Variants in AKAP13 observed in about 807,000 individuals in gnomAD.
AKAP13 encodes A-kinase anchor protein 13.
A neutral mutation model predicts 264.5 loss-of-function variants in AKAP13; 80 were observed. The ratio of observed to expected loss-of-function variants is 0.30; its 90% CI spans 0.25 to 0.36. AKAP13 has a LOEUF of 0.36. AKAP13 is among the 10% of genes least tolerant of loss of function. The pLI, the probability that AKAP13 is intolerant of heterozygous loss-of-function variation, is 1.00. For synonymous variants in AKAP13, 1,380 were observed against 1,250.2 expected (o/e 1.10, Z -2.19); for missense variants, 3,712 against 3,435.2 (o/e 1.08, Z -2.01).
chr15:85,646,753 G>T (rs953060646), intron 10 of AKAP13, among the ~76,000 whole-genome samples: 1 of 152,178 alleles, frequency 6.6e-6, no homozygotes, highest in Non-Finnish European at 1.5e-5. Context: ...CTGCAATAGA[G>T]CCCTTCCACA....
intron 23 of AKAP13, among the ~76,000 whole-genome samples, chr15:85,719,917 A>G (rs1428529424): frequency 2.0e-5 from 3 of 151,438 alleles, no homozygotes; most frequent in African/African-American, 7.3e-5. Context: ...TCTGTCTCAA[A>G]AAAAAAAAAA....
chr15:85,673,404 C>G (rs2084024308), intron 14 of AKAP13, among the ~76,000 whole-genome samples: 1 of 152,006 alleles, frequency 6.6e-6, no homozygotes, highest in Non-Finnish European at 1.5e-5. Context: ...GCGTGACTTG[C>G]CGGCAATTTT....
chr15:85,464,177 C>A (rs1478577714), intron 1 of AKAP13, among the ~76,000 whole-genome samples: 1 of 152,216 alleles, frequency 6.6e-6, no homozygotes, highest in Non-Finnish European at 1.5e-5. Flanking sequence ...TGGCGACTTT[C>A]CTCTTCATAA....
At chr15:85,404,613 A>C (rs1007541977) in intron 1 of AKAP13, among the ~76,000 whole-genome samples, 1 of 152,082 alleles carries the variant, frequency 6.6e-6, no homozygotes, top group African/African-American at 2.4e-5. Flanking sequence ...CTTCATTCTC[A>C]CAGTTGGTTA....
chr15:85,676,895 CATT>C lies in AKAP13; in HGVS notation c.5102-5260_5102-5258del, dbSNP rs545307951. On this transcript the variant is annotated intron_variant, in intron 14 of 36. Transcript: ENST00000394518. ...TTCCCGGAACCGCATAGGCCATTGA[CATT>C]ATGCTGTTTCCCCATGTGCTGAAGG... The C allele has an allele frequency of 1.4e-3, 1,373 of 971,676 alleles. 4 individuals carry two copies. Among genetic ancestry groups the C allele is most frequent in the Middle Eastern group, 2.7e-3 (5 of 1,880 alleles). 60.2% of individuals were successfully genotyped at this position (971,676 alleles called of 1,614,324 possible). A position where few individuals can be genotyped will look rare whatever the true frequency, so the allele number is the denominator to read the frequency against.
At chr15:85,687,319 T>C (rs931771775) in intron 16 of AKAP13, among the ~76,000 whole-genome samples, 3 of 152,206 alleles carry the variant, frequency 2.0e-5, no homozygotes, top group East Asian at 1.9e-4. Context: ...GTAATTTTTT[T>C]CTTTTAACTT....
intron 2 of AKAP13, among the ~76,000 whole-genome samples, chr15:85,494,007 G>A (rs917209273): frequency 5.9e-5 from 9 of 152,148 alleles, no homozygotes; most frequent in African/African-American, 1.9e-4. Flanking sequence ...TACACCTTGC[G>A]CAGAACAAGG....
intron 1 of AKAP13, among the ~76,000 whole-genome samples, chr15:85,459,166 T>A (rs916401131): frequency 8.5e-5 from 13 of 152,178 alleles, no homozygotes. Flanking sequence ...ATTTAACTTG[T>A]ATTCCCCTGA....
At chr15:85,665,458 T>C (rs552577787) in intron 13 of AKAP13, among the ~76,000 whole-genome samples, 2 of 152,204 alleles carry the variant, frequency 1.3e-5, no homozygotes, top group Non-Finnish European at 2.9e-5. Flanking sequence ...AACAAAACTT[T>C]CTTACTACAC....
chr15:85,619,938 C>T (rs2081101329), intron 8 of AKAP13: 1 of 1,438,778 alleles, frequency 7.0e-7, no homozygotes, highest in Non-Finnish European at 9.1e-7. Context: ...TTGTTTTTGA[C>T]CCCTTTGAGA....
chr15:85,710,567 C>A lies in AKAP13; in HGVS notation c.5533-12C>A. ...GGTGAATTGTCAATGGACTTACTTT[C>A]TTTCTCTTTAGCAGCCCAAAGGGAG... On this transcript the variant is annotated splice_polypyrimidine_tract_variant and intron_variant, in intron 18 of 36. Coordinates refer to ENST00000394518, the MANE Select transcript of AKAP13 (RefSeq NM_007200.5). The A allele has an allele frequency of 6.2e-7, 1 of 1,613,186 alleles. No individual in the cohort carries two copies. Among genetic ancestry groups the A allele is most frequent in the Non-Finnish European group, 8.5e-7 (1 of 1,179,572 alleles).
At chr15:85,620,005 T>C in intron 8 of AKAP13, 1 of 1,515,474 alleles carries the variant, frequency 6.6e-7, no homozygotes, top group South Asian at 1.2e-5. Flanking sequence ...CCGTGAGAAA[T>C]TTGGAACTAA....
At chr15:85,629,480 G>A (rs2081585714) in intron 8 of AKAP13, among the ~76,000 whole-genome samples, 1 of 152,034 alleles carries the variant, frequency 6.6e-6, no homozygotes, top group Non-Finnish European at 1.5e-5. Flanking sequence ...TTATTCATTA[G>A]GCATCCACCA....
chr15:85,562,442 G>A (rs1053322108), intron 5 of AKAP13, among the ~76,000 whole-genome samples: 3 of 150,860 alleles, frequency 2.0e-5, no homozygotes, highest in African/African-American at 7.3e-5. Context: ...GCAAGCGCCT[G>A]TAATCCCAGC....
intron 30 of AKAP13, among the ~76,000 whole-genome samples, chr15:85,732,042 C>T (rs1046443152): frequency 2.7e-5 from 4 of 146,558 alleles, no homozygotes; most frequent in Middle Eastern, 7.1e-3. Context: ...GAGATCGTAT[C>T]ACTGCCCTCC....
rs1016919092 is a variant in AKAP13 at position 85,718,633 on chromosome 15, G to A, written c.6002-443G>A. ...ACGAAAACACTTGACCAGGCTCAGC[G>A]GCTCATACCTGTAATCCCAGCACTC... On this transcript the variant is annotated intron_variant, in intron 22 of 36. Transcript: ENST00000394518. This position sits in a 1 kb window ranked among gnomAD's most constrained non-coding sequence, Gnocchi z 4.9. Among the ~76,000 whole-genome samples the A allele has an allele frequency of 6.6e-6, 1 of 152,104 alleles. No individual in the cohort carries two copies. Among genetic ancestry groups the A allele is most frequent in the Admixed American group, 6.6e-5 (1 of 15,266 alleles).
At position 85,546,905 on chromosome 15, in the gene AKAP13, G is replaced by A. The variant is rs148362326; in HGVS notation, c.662+2950G>A. 4.1e-4 allele frequency among the ~76,000 whole-genome samples: 63 copies of A among 151,972 alleles called. No homozygotes were observed. The East Asian group carries it at 0.011, about 27-fold the overall frequency. On this transcript the variant is annotated intron_variant, in intron 5 of 36. Transcript: ENST00000394518. ...ATTACAGGCATGCGCCACCATGTCCGGCTAATTTTTGTATTTTTAGTAGAG... is the reference window on the plus strand; with the variant it reads ...ATTACAGGCATGCGCCACCATGTCCAGCTAATTTTTGTATTTTTAGTAGAG...
Position 85,526,954 on chromosome 15 carries a change from A to AT in AKAP13, c.181+5397dup, listed in dbSNP as rs11073395. ...CTGTTGTCTACTGTCCTTAGTTGTA[A>AT]TTTTTTTTTTTTTTTTTTGAGAGGG... On this transcript the variant is annotated intron_variant, in intron 3 of 36. Coordinates refer to ENST00000394518, the MANE Select transcript of AKAP13 (RefSeq NM_007200.5). 6.7e-3 allele frequency among the ~76,000 whole-genome samples: 886 copies of AT among 131,296 alleles called. 7 individuals are homozygous for AT. The highest frequency in any genetic ancestry group is 0.019 in the African/African-American group (655 of 34,678). 86.1% of individuals were successfully genotyped at this position (131,296 alleles called of 152,430 possible). A position where few individuals can be genotyped will look rare whatever the true frequency, so the allele number is the denominator to read the frequency against.
intron 29 of AKAP13, among the ~76,000 whole-genome samples, chr15:85,728,219 C>T (rs17638001): frequency 0.032 from 4,810 of 152,190 alleles, 121 homozygotes; most frequent in Middle Eastern, 0.048. Flanking sequence ...AGTGGCTTAT[C>T]GAATGTTTCA....
Sources: allele counts gnomAD v4.1 joint callset (sites outside exome capture counted in the v4.1 genomes callset), GRCh38; gene constraint gnomAD v4.1.1; non-coding constraint Gnocchi (gnomAD v3.1); transcripts MANE v1.5; gene names NCBI Gene and HGNC (gene_info 2026-07-23, HGNC 2026-07-21).